Variants in RANBP2 observed in about 807,000 individuals in gnomAD.
RANBP2 encodes E3 SUMO-protein ligase RanBP2.
RANBP2 carries 57 observed loss-of-function variants against 303.6 expected under a neutral mutation model. The observed-to-expected ratio is 0.19, with a 90% confidence interval of 0.15 to 0.23. The LOEUF is 0.23. Ranked by LOEUF, RANBP2 falls within the 10% of genes least tolerant of loss-of-function variation. The probability of loss-of-function intolerance (pLI) is 1.00; values close to 1 mark genes in which losing one functional copy is unlikely to be tolerated. For synonymous variants in RANBP2, 1,167 were observed against 1,301.5 expected (o/e 0.90, Z 2.23); for missense variants, 3,138 against 3,780.8 (o/e 0.83, Z 4.46).
chr2:109,662,950 G>C, the RANBP2 span, among the ~76,000 whole-genome samples: 1 of 152,120 alleles, frequency 6.6e-6, no homozygotes, highest in Non-Finnish European at 1.5e-5. Context: ...CACTTCCAAA[G>C]TAGATATTAA....
chr2:109,041,215 T>C, the RANBP2 span, among the ~76,000 whole-genome samples: 1 of 152,226 alleles, frequency 6.6e-6, no homozygotes, highest in African/African-American at 2.4e-5. Flanking sequence ...ATAGTTTATC[T>C]GTATATTCTT....
At chr2:109,138,875 A>T in the RANBP2 span, among the ~76,000 whole-genome samples, 2 of 152,248 alleles carry the variant, frequency 1.3e-5, no homozygotes, top group African/African-American at 4.8e-5. Context: ...ACTGGAATAT[A>T]CATTGTTCAC....
chr2:109,212,324 A>G, the RANBP2 span, among the ~76,000 whole-genome samples: 3 of 152,222 alleles, frequency 2.0e-5, no homozygotes, highest in South Asian at 2.1e-4. Flanking sequence ...GCAGTTTTCA[A>G]TTAGAGTCTG....
chr2:109,418,283 C>G, the RANBP2 span, among the ~76,000 whole-genome samples: 1 of 152,172 alleles, frequency 6.6e-6, no homozygotes, highest in South Asian at 2.1e-4. Context: ...CCTCCAGGCT[C>G]CCTGACAGCC....
chr2:109,663,077 C>G, the RANBP2 span, among the ~76,000 whole-genome samples: 1 of 152,208 alleles, frequency 6.6e-6, no homozygotes, highest in Non-Finnish European at 1.5e-5. Flanking sequence ...CTTGACTCCA[C>G]CTAGTGTCCT....
chr2:109,579,385 CTTTT>C, the RANBP2 span, among the ~76,000 whole-genome samples: 1 of 139,388 alleles, frequency 7.2e-6, no homozygotes, highest in Non-Finnish European at 1.6e-5. Context: ...CCAGGCCCTC[CTTTT>C]TTTTTTTTTT....
At chr2:109,429,917 C>T in the RANBP2 span, among the ~76,000 whole-genome samples, 5 of 151,862 alleles carry the variant, frequency 3.3e-5, no homozygotes, top group Non-Finnish European at 7.4e-5. Flanking sequence ...AGTGGCCCAG[C>T]CCCAGTCAGC....
At chr2:109,046,269 ACTCCAGC>A in the RANBP2 span, among the ~76,000 whole-genome samples, 1 of 147,040 alleles carries the variant, frequency 6.8e-6, no homozygotes, top group Admixed American at 6.9e-5. Flanking sequence ...GTGCCACTGC[ACTCCAGC>A]CTGGGCGACA....
the RANBP2 span, among the ~76,000 whole-genome samples, chr2:109,388,949 C>A: frequency 6.6e-6 from 1 of 152,152 alleles, no homozygotes; most frequent in South Asian, 2.1e-4. Context: ...ATGAGGGCTG[C>A]AGTGTGCAGC....
the RANBP2 span, among the ~76,000 whole-genome samples, chr2:108,926,846 G>C: frequency 1.3e-5 from 2 of 152,212 alleles, no homozygotes; most frequent in African/African-American, 4.8e-5. Flanking sequence ...ACAGCCACTT[G>C]GATTCAGGAA....
the RANBP2 span, among the ~76,000 whole-genome samples, chr2:108,888,659 A>G: frequency 6.6e-6 from 1 of 151,908 alleles, no homozygotes; most frequent in Non-Finnish European, 1.5e-5. Context: ...CGCTTGTAAT[A>G]TCTTCTTTTT....
chr2:109,300,613 G>T, the RANBP2 span, among the ~76,000 whole-genome samples: 36,797 of 152,114 alleles, frequency 0.24, 5,240 homozygotes, highest in South Asian at 0.33. Context: ...TGGGACTTCA[G>T]GTTCTTCCTG....
chr2:109,612,133 A>G, the RANBP2 span, among the ~76,000 whole-genome samples: 1 of 152,198 alleles, frequency 6.6e-6, no homozygotes, highest in Non-Finnish European at 1.5e-5. Context: ...CTACCCCAGC[A>G]AACTGCAGAT....
chr2:109,078,241 T>G, the RANBP2 span, among the ~76,000 whole-genome samples: 1 of 37,222 alleles, frequency 2.7e-5, no homozygotes, highest in Admixed American at 3.3e-4. Flanking sequence ...TATATATATA[T>G]AGCGTGTATA....
At chr2:109,358,753 A>G in the RANBP2 span, among the ~76,000 whole-genome samples, 1 of 152,244 alleles carries the variant, frequency 6.6e-6, no homozygotes, top group Non-Finnish European at 1.5e-5. Context: ...TTACCTTGAC[A>G]GTATCTTTTG....
chr2:108,857,002 A>G, the RANBP2 span: 3 of 1,312,030 alleles, frequency 2.3e-6, no homozygotes, highest in South Asian at 4.0e-5. Flanking sequence ...GTGTAAAGAA[A>G]GCAGGATGAT....
the RANBP2 span, among the ~76,000 whole-genome samples, chr2:109,083,460 T>C: frequency 6.6e-6 from 1 of 152,224 alleles, no homozygotes; most frequent in Non-Finnish European, 1.5e-5. Flanking sequence ...TGCTGCAGCG[T>C]GTGTCAGAAT....
At chr2:108,811,245 C>CTTTTTTTTTTTTTTTTTTTTTTTTT in the RANBP2 span, among the ~76,000 whole-genome samples, 7 of 109,606 alleles carry the variant, frequency 6.4e-5, no homozygotes, top group Non-Finnish European at 1.0e-4. Flanking sequence ...CTTTCTCTCT[C>CTTTTTTTTTTTTTTTTTTTTTTTTT]TCTTTTTTTT....
the RANBP2 span, among the ~76,000 whole-genome samples, chr2:109,406,189 A>G: frequency 6.6e-6 from 1 of 152,200 alleles, no homozygotes; most frequent in African/African-American, 2.4e-5. Flanking sequence ...AGTATCATTC[A>G]CATGTCAGTG....
Sources: allele counts gnomAD v4.1 joint callset (sites outside exome capture counted in the v4.1 genomes callset), GRCh38; gene constraint gnomAD v4.1.1; transcripts MANE v1.5; gene names NCBI Gene and HGNC (gene_info 2026-07-23, HGNC 2026-07-21).